Variants in NHSL1 observed in about 807,000 individuals in gnomAD.
The protein encoded by NHSL1 is NHS-like protein 1.
NHSL1 carries 48 observed loss-of-function variants against 95.0 expected under a neutral mutation model. That is an observed-to-expected ratio of 0.51 (90% CI 0.40 to 0.64). The LOEUF (loss-of-function observed/expected upper bound fraction) is 0.64, where lower values mean the gene tolerates loss of function less well. NHSL1 is among the 30% of genes least tolerant of loss of function. The pLI is 0.00. For missense variants in NHSL1, 1,971 were observed against 2,077.7 expected, an observed-to-expected ratio of 0.95 and a Z score of 1.00; for synonymous variants, 783 against 833.9, an observed-to-expected ratio of 0.94 and a Z score of 1.05.
At chr6:138,580,800 A>C (rs1784041854) in intron 1 of NHSL1, among the ~76,000 whole-genome samples, 1 of 152,252 alleles carries the variant, frequency 6.6e-6, no homozygotes, top group African/African-American at 2.4e-5. Context: ...GTTACCTGAC[A>C]TGGGAAAAAG....
At chr6:138,659,046 CTTT>C (rs771033274) in intron 1 of NHSL1, among the ~76,000 whole-genome samples, 1 of 117,824 alleles carries the variant, frequency 8.5e-6, no homozygotes, top group Non-Finnish European at 1.8e-5. Flanking sequence ...TGTGGACTAT[CTTT>C]TTTTTTTTTT....
intron 1 of NHSL1, among the ~76,000 whole-genome samples, chr6:138,617,097 C>A (rs1784590022): frequency 6.6e-6 from 1 of 152,092 alleles, no homozygotes. Context: ...TCATGAGCAA[C>A]TATAATTAAG....
chr6:138,485,446 TAAAA>T (rs768633258), intron 2 of NHSL1, among the ~76,000 whole-genome samples: 1,689 of 115,524 alleles, frequency 0.015, 46 homozygotes, highest in African/African-American at 0.05. Context: ...TGCTTACCGT[TAAAA>T]AAAAAAAAAA....
chr6:138,499,501 C>G, upstream of NHSL1: 1 of 1,156,100 alleles, frequency 8.6e-7, no homozygotes, highest in African/African-American at 1.6e-5. Flanking sequence ...ACCTGAAAAA[C>G]TCCTACTGAA....
intron 1 of NHSL1, among the ~76,000 whole-genome samples, chr6:138,613,208 CA>C (rs1772172010): frequency 6.6e-6 from 1 of 152,198 alleles, no homozygotes; most frequent in Admixed American, 6.5e-5. Flanking sequence ...CAGCCTATAA[CA>C]AAGCCCAAGC....
chr6:138,573,877 C>T (rs968130563), upstream of NHSL1, among the ~76,000 whole-genome samples: 5 of 152,150 alleles, frequency 3.3e-5, no homozygotes, highest in Non-Finnish European at 5.9e-5. Context: ...GCTACATCAC[C>T]AAGTGCTCTG....
chr6:138,472,017 A>C (rs1778784138), intron 3 of NHSL1, among the ~76,000 whole-genome samples: 1 of 152,036 alleles, frequency 6.6e-6, no homozygotes, highest in Non-Finnish European at 1.5e-5. Flanking sequence ...CCCCGTATCT[A>C]CTGAAAATAC....
In NHSL1 at chr6:138,496,352, C is replaced by T; in HGVS notation, c.78G>A (p.Glu26=). Reference sequence around the variant, plus strand: ...TGTAGTGGACTGTCCATCGGCTTTCCTCATCTAGGTTGGAAACCGCTATAG... The same window carrying T: ...TGTAGTGGACTGTCCATCGGCTTTCTTCATCTAGGTTGGAAACCGCTATAG... ...FKKKTVSNLD[E]ESRWTVHYTA... is the part of the protein sequence containing the mutation. The change falls in exon 2 of 8, where the codon GAG becomes GAA. Residue 26 remains glutamate, a synonymous_variant. Coordinates refer to ENST00000343505, the MANE Select transcript of NHSL1 (RefSeq NM_001144060.2). 6.5e-7 allele frequency: 1 copy of T among 1,550,378 alleles called. No homozygotes were observed. Among genetic ancestry groups the T allele is most frequent in the Non-Finnish European group, 8.7e-7 (1 of 1,146,866 alleles).
chr6:138,534,321 TCAAAG>T (rs1395165152), intron 1 of NHSL1, among the ~76,000 whole-genome samples: 1 of 152,060 alleles, frequency 6.6e-6, no homozygotes, highest in Admixed American at 6.6e-5. Flanking sequence ...AATCTAGTCG[TCAAAG>T]CAAAGGACCC....
chr6:138,449,193 A>T (rs1217334043), intron 3 of NHSL1, among the ~76,000 whole-genome samples: 1 of 152,198 alleles, frequency 6.6e-6, no homozygotes, highest in Non-Finnish European at 1.5e-5. Context: ...ATTAGGCAAG[A>T]GCTAATGAAA....
At chr6:138,469,555 C>G (rs1232456167) in intron 3 of NHSL1, among the ~76,000 whole-genome samples, 1 of 151,922 alleles carries the variant, frequency 6.6e-6, no homozygotes, top group Non-Finnish European at 1.5e-5. Context: ...AACACCCCAT[C>G]TCTACAAAAA....
At chr6:138,489,959 AGGGAGAGG>A (rs1383544203) in intron 2 of NHSL1, among the ~76,000 whole-genome samples, 29 of 52,426 alleles carry the variant, frequency 5.5e-4, no homozygotes, top group African/African-American at 1.7e-3. Context: ...AGAAGGAGAG[AGGGAGAGG>A]GGGAGAGGGG....
At chr6:138,649,239 C>T (rs1357160240) in intron 1 of NHSL1, among the ~76,000 whole-genome samples, 1 of 152,060 alleles carries the variant, frequency 6.6e-6, no homozygotes, top group Non-Finnish European at 1.5e-5. Flanking sequence ...CAGCTCTATA[C>T]ACTTCATCTA....
chr6:138,494,489 T>C (rs1354997090), intron 2 of NHSL1, among the ~76,000 whole-genome samples: 1 of 152,156 alleles, frequency 6.6e-6, no homozygotes, highest in African/African-American at 2.4e-5. Context: ...CTGGGAAAAT[T>C]AGATGAGATA....
intron 1 of NHSL1, among the ~76,000 whole-genome samples, chr6:138,507,010 A>G (rs74490079): frequency 0.02 from 3,114 of 152,302 alleles, 52 homozygotes; most frequent in South Asian, 0.086. Flanking sequence ...CATTTTTCTT[A>G]CAGATTACTA....
At chr6:138,683,928 G>A (rs1008824308) in intron 1 of NHSL1, among the ~76,000 whole-genome samples, 1 of 152,204 alleles carries the variant, frequency 6.6e-6, no homozygotes, top group Non-Finnish European at 1.5e-5. Context: ...CCCCTGCAAA[G>A]CACTGGGCAC....
intron 1 of NHSL1, among the ~76,000 whole-genome samples, chr6:138,605,379 A>G (rs778979057): frequency 2.6e-5 from 4 of 152,282 alleles, no homozygotes; most frequent in Non-Finnish European, 5.9e-5. Context: ...GCGTGCGCCA[A>G]CAGGCCTGGC....
upstream of NHSL1, among the ~76,000 whole-genome samples, chr6:138,573,385 A>G (rs1317075530): frequency 1.3e-5 from 2 of 152,224 alleles, no homozygotes; most frequent in African/African-American, 4.8e-5. Flanking sequence ...AGCAACGAGT[A>G]GAGAACTAGG....
At chr6:138,566,037 T>C (rs552439179) in intron 1 of NHSL1, among the ~76,000 whole-genome samples, 1 of 152,064 alleles carries the variant, frequency 6.6e-6, no homozygotes, top group South Asian at 2.1e-4. Context: ...GAAATATATT[T>C]TATAATAATT....
Sources: gnomAD v4.1 joint callset for allele counts (sites outside exome capture counted in the v4.1 genomes callset) on GRCh38, gnomAD v4.1.1 for gene constraint, MANE v1.5 for transcripts, NCBI Gene and HGNC (gene_info 2026-07-23, HGNC 2026-07-21) for gene names.